CDH11: variants seen among roughly 807,000 people sequenced by gnomAD.
The protein encoded by CDH11 is cadherin 11.
CDH11 carries 11 observed loss-of-function variants against 67.8 expected under a neutral mutation model. That is an observed-to-expected ratio of 0.16 (90% confidence interval 0.10 to 0.27). The LOEUF is 0.27. CDH11 is among the 10% of genes least tolerant of loss of function. The probability of loss-of-function intolerance (pLI) is 1.00; values close to 1 mark genes in which losing one functional copy is unlikely to be tolerated. For missense variants in CDH11, 847 were observed against 1,031.2 expected, an observed-to-expected ratio of 0.82 and a Z score of 2.45; for synonymous variants, 419 against 400.0, an observed-to-expected ratio of 1.05 and a Z score of -0.57.
At chr16:65,031,522 AT>A in intron 2 of CDH11, among the ~76,000 whole-genome samples, 1 of 152,204 alleles carries the variant, frequency 6.6e-6, no homozygotes, top group East Asian at 1.9e-4. Context: ...TAGTATATAC[AT>A]AAGTCAAATG....
At chr16:65,000,590 G>A (rs556823582) in intron 3 of CDH11, among the ~76,000 whole-genome samples, 312 of 152,122 alleles carry the variant, frequency 2.1e-3, no homozygotes, top group Non-Finnish European at 3.6e-3. Flanking sequence ...TGAGGTCGGG[G>A]GTTCGAGACC....
intron 2 of CDH11, among the ~76,000 whole-genome samples, chr16:65,008,399 T>C (rs914203830): frequency 6.6e-6 from 1 of 152,242 alleles, no homozygotes; most frequent in Non-Finnish European, 1.5e-5. Context: ...GTTATTTTAA[T>C]GGTTAATCTT....
chr16:65,024,168 A>G (rs774166184), intron 2 of CDH11, among the ~76,000 whole-genome samples: 1 of 152,174 alleles, frequency 6.6e-6, no homozygotes, highest in African/African-American at 2.4e-5. Context: ...CTTTCTCAGT[A>G]CTTTACCCCT....
At chr16:64,982,684 C>T (rs2072385316) in intron 7 of CDH11, 1 of 173,480 alleles carries the variant, frequency 5.8e-6, no homozygotes, top group Non-Finnish European at 1.2e-5. Context: ...AAAAATACCA[C>T]TGAATTTCAG....
rs182321564 is a variant in CDH11, at chr16:64,977,576, C to A, written c.1253+4472G>T. Among the ~76,000 whole-genome samples the A allele has an allele frequency of 7.4e-4, 113 of 152,308 alleles. 1 individual carries two copies. Among genetic ancestry groups the A allele is most frequent in the Non-Finnish European group, 1.2e-3 (80 of 68,030 alleles). ...TAAAGGTGTTAGAAGGGTCCATAGT[C>A]ATTATGTAACATATCTTTCTGCACA... On this transcript the variant is annotated intron_variant, in intron 8 of 12. Transcript: ENST00000268603.
chr16:64,989,664 T>C (rs1026246879), intron 6 of CDH11, among the ~76,000 whole-genome samples: 8 of 152,100 alleles, frequency 5.3e-5, no homozygotes, highest in African/African-American at 1.9e-4. Context: ...TAGACCATTG[T>C]GGGGAATGGA....
At chr16:64,949,145 C>A (rs926398037) in intron 12 of CDH11, among the ~76,000 whole-genome samples, 5 of 152,170 alleles carry the variant, frequency 3.3e-5, no homozygotes, top group Admixed American at 1.3e-4. Context: ...CACTTCCTGG[C>A]CTGCCATCCT....
intron 1 of CDH11, among the ~76,000 whole-genome samples, chr16:65,097,137 C>T (rs888790892): frequency 5.3e-5 from 8 of 152,242 alleles, no homozygotes; most frequent in Non-Finnish European, 1.2e-4. Flanking sequence ...GACAAACACA[C>T]ACAAACTCAT....
chr16:65,024,713 G>A (rs796804925), intron 2 of CDH11, among the ~76,000 whole-genome samples: 20 of 152,230 alleles, frequency 1.3e-4, no homozygotes, highest in African/African-American at 3.4e-4. Context: ...AGAATATAGC[G>A]CTGGGCATTC....
At chr16:65,024,824 T>C (rs2073499265) in intron 2 of CDH11, among the ~76,000 whole-genome samples, 2 of 152,212 alleles carry the variant, frequency 1.3e-5, no homozygotes, top group African/African-American at 4.8e-5. Context: ...AGACAAGATC[T>C]TTGGAATATA....
At chr16:64,967,521 T>G (rs2071872284) in intron 11 of CDH11, among the ~76,000 whole-genome samples, 1 of 152,148 alleles carries the variant, frequency 6.6e-6, no homozygotes, top group African/African-American at 2.4e-5. Context: ...AATTAGATAT[T>G]TGGCGAAGGT....
chr16:64,968,176 C>T (rs1029225856), intron 11 of CDH11, among the ~76,000 whole-genome samples: 16 of 152,166 alleles, frequency 1.1e-4, no homozygotes, highest in Admixed American at 3.9e-4. Context: ...GGGCAAATCA[C>T]TGACCCTTCT....
intron 2 of CDH11, among the ~76,000 whole-genome samples, chr16:65,053,497 G>T (rs1340816580): frequency 1.3e-5 from 2 of 152,216 alleles, no homozygotes; most frequent in Admixed American, 6.5e-5. Context: ...AATCATCTCA[G>T]TTGGCCTGTT....
In CDH11 at chr16:65,035,963, G is replaced by A. The variant is rs181550456; in HGVS notation, c.-173+17841C>T. On this transcript the variant is annotated intron_variant, in intron 2 of 12. Transcript: ENST00000268603. ...AAAGTCAGCCCCAATTTGGCTTTCT[G>A]TCTGCTCAGGGCTTCTTGTCCAGGT... is the stretch of plus-strand genomic sequence containing the variant. Among the ~76,000 whole-genome samples the A allele has an allele frequency of 2.3e-4, 35 of 152,250 alleles. No homozygotes were observed. The East Asian group carries it at 6.8e-3, about 29-fold the overall frequency.
At chr16:64,971,812 A>G in intron 10 of CDH11, 116 bp from the exon 11 acceptor site, 1 of 1,410,602 alleles carries the variant, frequency 7.1e-7, no homozygotes, top group Non-Finnish European at 1.0e-6. Context: ...ACTTCAGAAC[A>G]AAACTATGGC....
chr16:65,054,536 G>A (rs1439446185), intron 1 of CDH11, among the ~76,000 whole-genome samples: 1 of 152,044 alleles, frequency 6.6e-6, no homozygotes, highest in African/African-American at 2.4e-5. Context: ...CTAAAATGGG[G>A]GCTGTGTTCT....
upstream of CDH11, among the ~76,000 whole-genome samples, chr16:65,123,438 A>G (rs1013789816): frequency 1.3e-5 from 2 of 151,686 alleles, no homozygotes; most frequent in Non-Finnish European, 2.9e-5. Flanking sequence ...AGAGGGGAGG[A>G]GACGGGCCCA....
At chr16:64,960,006 T>A (rs1007193835) in intron 11 of CDH11, among the ~76,000 whole-genome samples, 1 of 152,228 alleles carries the variant, frequency 6.6e-6, no homozygotes, top group African/African-American at 2.4e-5. Flanking sequence ...TATTTTTGTT[T>A]AAGCAGTGCA....
At chr16:65,017,143 A>T (rs903851564) in intron 2 of CDH11, among the ~76,000 whole-genome samples, 1 of 152,098 alleles carries the variant, frequency 6.6e-6, no homozygotes. Context: ...TGTGATCTGT[A>T]TCTTGTGAAA....
Sources: gnomAD v4.1 joint callset for allele counts (sites outside exome capture counted in the v4.1 genomes callset) on GRCh38, gnomAD v4.1.1 for gene constraint, MANE v1.5 for transcripts, NCBI Gene and HGNC (gene_info 2026-07-23, HGNC 2026-07-21) for gene names.